The following PCDHA6 variants were observed in gnomAD, a reference collection of about 807,000 sequenced individuals.
PCDHA6 encodes the protein protocadherin alpha-6.
A neutral mutation model predicts 60.3 loss-of-function variants in PCDHA6; 55 were observed. The ratio of observed to expected loss-of-function variants is 0.91; its 90% CI spans 0.73 to 1.14. The LOEUF is 1.14. Among genes scored for constraint, PCDHA6 ranks in the 50% most tolerant of loss-of-function variants. PCDHA6 has a pLI of 0.00. For missense variants in PCDHA6, 1,327 were observed against 1,256.5 expected, an observed-to-expected ratio of 1.06 and a Z score of -0.85; for synonymous variants, 652 against 557.9, an observed-to-expected ratio of 1.17 and a Z score of -2.38.
chr5:140,929,499 C>G, intron 1 of PCDHA6: 1 of 980,264 alleles, frequency 1.0e-6, no homozygotes, highest in South Asian at 3.1e-5. Flanking sequence ...GAAGATTGCC[C>G]TAGGCCTCAA....
chr5:140,967,539 A>G (rs1554229656), intron 1 of PCDHA6: 2 of 1,613,730 alleles, frequency 1.2e-6, no homozygotes, highest in African/African-American at 1.3e-5. Flanking sequence ...CCTGCCTTTG[A>G]CCAGTCCACT....
rs375455658 is a variant in PCDHA6, at chr5:140,863,185, G to T, written c.2394+32700G>T. 4.3e-3 allele frequency: 3,329 copies of T among 772,160 alleles called. 69 individuals are homozygous for T. Among genetic ancestry groups the T allele is most frequent in the South Asian group, 0.037 (2,838 of 76,536 alleles). 47.8% of individuals were successfully genotyped at this position (772,160 alleles called of 1,614,324 possible). A position where few individuals can be genotyped will look rare whatever the true frequency, so the allele number is the denominator to read the frequency against. ...GCTGGCGCTGACTGCCACCGTCACC[G>T]TGGTGGCGTCGCTGGCGGAGAGCAG... On this transcript the variant is annotated intron_variant, in intron 1 of 3. Transcript: ENST00000529310.
chr5:140,873,098 T>C (rs1281569389), intron 1 of PCDHA6, among the ~76,000 whole-genome samples: 1 of 152,200 alleles, frequency 6.6e-6, no homozygotes, highest in Non-Finnish European at 1.5e-5. Flanking sequence ...TATAGAGGCA[T>C]AACATACCAT....
At chr5:141,000,609 G>A (rs2097951405) in intron 3 of PCDHA6, among the ~76,000 whole-genome samples, 1 of 150,600 alleles carries the variant, frequency 6.6e-6, no homozygotes. Context: ...TGTATTTTTA[G>A]TAGAGACAGG....
At chr5:140,855,952 A>AT in intron 1 of PCDHA6, 1 of 1,380,786 alleles carries the variant, frequency 7.2e-7, no homozygotes, top group South Asian at 1.4e-5. Flanking sequence ...AGCCATTTCG[A>AT]TAAAAAATAG....
intron 1 of PCDHA6, chr5:140,857,594 G>T (rs1554150300): frequency 6.3e-7 from 1 of 1,596,514 alleles, no homozygotes; most frequent in Admixed American, 1.7e-5. Context: ...GAGCGGCAAG[G>T]TGTACGCGCT....
chr5:140,843,177 G>C lies in PCDHA6; in HGVS notation c.2394+12692G>C. ...CTGCAGCCAGCTGCAAGCAGCCCTC[G>C]CATCCCGTTCCGCGTGGGGCTGTAC... On this transcript the variant is annotated intron_variant, in intron 1 of 3. Transcript: ENST00000529310. 3.1e-6 allele frequency: 5 copies of C among 1,596,056 alleles called. 2 individuals are homozygous for C. Among genetic ancestry groups the C allele is most frequent in the Non-Finnish European group, 4.3e-6 (5 of 1,165,590 alleles).
chr5:140,887,769 T>A (rs1012351831), intron 1 of PCDHA6, among the ~76,000 whole-genome samples: 23 of 152,212 alleles, frequency 1.5e-4, no homozygotes, highest in African/African-American at 5.5e-4. Flanking sequence ...TATGTTACAA[T>A]GACACAGGTC....
chr5:140,850,624 T>C (rs2150491182), intron 1 of PCDHA6: 1 of 1,598,468 alleles, frequency 6.3e-7, no homozygotes, highest in African/African-American at 1.3e-5. Flanking sequence ...GTGTCTAGCC[T>C]GTTGGTTCTC....
intron 1 of PCDHA6, chr5:140,870,384 G>A: frequency 6.2e-7 from 1 of 1,614,230 alleles, no homozygotes; most frequent in African/African-American, 1.3e-5. Context: ...TGACTGCGCG[G>A]GATGGGGGTT....
chr5:140,850,870 C>T (rs2041860936), intron 1 of PCDHA6: 1 of 1,591,890 alleles, frequency 6.3e-7, no homozygotes, highest in African/African-American at 1.3e-5. Context: ...CCCTCTGCTT[C>T]CTCAGATTCA....
intron 1 of PCDHA6, among the ~76,000 whole-genome samples, chr5:140,894,946 A>G (rs1463727802): frequency 6.6e-6 from 1 of 152,206 alleles, no homozygotes; most frequent in African/African-American, 2.4e-5. Flanking sequence ...ATTGTCATGA[A>G]ATGATAAAAA....
chr5:140,979,522 A>G (rs576025092), intron 2 of PCDHA6, among the ~76,000 whole-genome samples: 1 of 152,098 alleles, frequency 6.6e-6, no homozygotes, highest in South Asian at 2.1e-4. Context: ...ATCTGTTGCT[A>G]TCTTATTGTC....
At chr5:140,955,469 T>C (rs1324804121) in intron 1 of PCDHA6, among the ~76,000 whole-genome samples, 11 of 152,208 alleles carry the variant, frequency 7.2e-5, no homozygotes, top group Middle Eastern at 3.4e-3. Flanking sequence ...CCTTTTTGCT[T>C]GGCACCTCTC....
intron 1 of PCDHA6, chr5:140,842,623 G>A (rs1778148921): frequency 4.4e-6 from 7 of 1,579,148 alleles, no homozygotes; most frequent in Middle Eastern, 1.7e-4. Flanking sequence ...GCTCGCCTTC[G>A]CTGTGGGCCA....
chr5:140,994,717 A>T (rs1350882833), intron 3 of PCDHA6, among the ~76,000 whole-genome samples: 4 of 152,164 alleles, frequency 2.6e-5, no homozygotes, highest in Admixed American at 6.6e-5. Context: ...AAAAAAATTT[A>T]AAATACTGGG....
intron 1 of PCDHA6, among the ~76,000 whole-genome samples, chr5:140,837,516 C>G (rs1775087693): frequency 1.3e-5 from 2 of 151,568 alleles, no homozygotes; most frequent in Admixed American, 6.6e-5. Flanking sequence ...AAGCAGTTTA[C>G]TTTTTTTGTA....
intron 1 of PCDHA6, chr5:140,967,272 T>A: frequency 1.2e-6 from 2 of 1,613,412 alleles, no homozygotes; most frequent in Non-Finnish European, 1.7e-6. Context: ...CGCTTTCACA[T>A]AGAGAGTGCG....
rs139246881 is a variant in PCDHA6, at chr5:140,834,444, C to A, written c.2394+3959C>A. 16 of 1,613,902 alleles carry A rather than the reference C, an allele frequency of 9.9e-6. No individual in the cohort carries two copies. The African/African-American group carries it at 2.1e-4, about 22-fold the overall frequency. On this transcript the variant is annotated intron_variant, in intron 1 of 3. Coordinates refer to ENST00000529310, the MANE Select transcript of PCDHA6 (RefSeq NM_018909.4). ...ACATCTACTGCTGTTTATTATAATT[C>A]TAGCAGCTTGGGAGGCAGGGAGAGG... is the stretch of plus-strand genomic sequence containing the variant.
Sources: gnomAD v4.1 joint callset for allele counts (sites outside exome capture counted in the v4.1 genomes callset) on GRCh38, gnomAD v4.1.1 for gene constraint, MANE v1.5 for transcripts, NCBI Gene and HGNC (gene_info 2026-07-23, HGNC 2026-07-21) for gene names.